Variants in COL20A1 observed in about 807,000 individuals in gnomAD.
The protein encoded by COL20A1 is collagen alpha-1(XX) chain.
In COL20A1, 164 loss-of-function variants were observed where a neutral mutation model predicts 152.9. The ratio of observed to expected loss-of-function variants is 1.07; its 90% CI spans 0.94 to 1.22. The LOEUF is 1.22. COL20A1 is among the 50% of genes most tolerant of loss of function. COL20A1 has a pLI of 0.00. For missense variants in COL20A1, 1,873 were observed against 1,744.8 expected (o/e 1.07, Z -1.31); for synonymous variants, 864 against 756.0 (o/e 1.14, Z -2.34).
chr20:63,310,264 A>G (rs2067987259), intron 10 of COL20A1, 117 bp from the exon 11 acceptor site: 2 of 1,139,022 alleles, frequency 1.8e-6, no homozygotes, highest in East Asian at 5.2e-5. Context: ...GCCTGTGGGA[A>G]GTGGGGCACC....
At position 63,307,967 on chromosome 20, in the gene COL20A1, C is replaced by T; in HGVS notation, c.656-4C>T. The stretch of plus-strand genomic sequence containing the variant: ...CAGCCCGTGGCCATGCCCCTGCTCC[C>T]CAGGCCTGACTCAGTACAGCGGGGA... On this transcript the variant is annotated splice_region_variant and splice_polypyrimidine_tract_variant and intron_variant, in intron 6 of 35. Transcript: ENST00000358894. The T allele has an allele frequency of 6.2e-7, 1 of 1,612,244 alleles. No individual in the cohort carries two copies. The highest frequency in any genetic ancestry group is 1.3e-5 in the African/African-American group (1 of 75,044).
intron 9 of COL20A1, 69 bp downstream of exon 9, chr20:63,309,566 G>A (rs932514184): frequency 1.5e-5 from 20 of 1,375,308 alleles, no homozygotes; most frequent in East Asian, 5.4e-5. Flanking sequence ...TTGGGGGGAC[G>A]CTGTGGCTCC....
Position 63,319,663 on chromosome 20 carries a change from A to G in COL20A1, c.2916+67A>G. 8.8e-7 allele frequency: 1 copy of G among 1,137,692 alleles called. No individual in the cohort carries two copies. The highest frequency in any genetic ancestry group is 1.3e-6 in the Non-Finnish European group (1 of 781,480). 70.5% of individuals were successfully genotyped at this position (1,137,692 alleles called of 1,614,324 possible). ...TCTGGGGCAGCCCAGCCCCACAGGG[A>G]CCTGCCGGATGCCAACTCCTCTCCC... On this transcript the variant is annotated intron_variant, in intron 23 of 35. Coordinates refer to ENST00000358894, the MANE Select transcript of COL20A1 (RefSeq NM_020882.4). The surrounding 1 kb of genome is among the most constrained non-coding windows in gnomAD (Gnocchi z 4.4).
intron 25 of COL20A1, among the ~76,000 whole-genome samples, chr20:63,320,615 G>A (rs1568784415): frequency 6.6e-6 from 1 of 152,188 alleles, no homozygotes; most frequent in Non-Finnish European, 1.5e-5. Flanking sequence ...CACCTCTGTG[G>A]GCCCAGCCAG....
Position 63,325,430 on chromosome 20 carries a change from T to A in COL20A1, c.3295-11T>A, listed in dbSNP as rs2314251. On this transcript the variant is annotated splice_polypyrimidine_tract_variant and intron_variant, in intron 27 of 35. Coordinates refer to ENST00000358894, the MANE Select transcript of COL20A1 (RefSeq NM_020882.4). ...CTCCGCTTCGCTGTCCAGCCCATCT[T>A]CCCCCTCCAGGGTCCACCAGGGGTC... 3 of 1,608,204 alleles carry A rather than the reference T, an allele frequency of 1.9e-6. No individual in the cohort carries two copies. The highest frequency in any genetic ancestry group is 3.3e-4 in the Middle Eastern group (2 of 6,028).
Position 63,306,499 on chromosome 20 carries a change from AG to A in COL20A1, c.496+465del, listed in dbSNP as rs1452694989. Among the ~76,000 whole-genome samples, 2 of 152,268 alleles carry A rather than the reference AG, an allele frequency of 1.3e-5. No individual in the cohort carries two copies. The highest frequency in any genetic ancestry group is 2.9e-5 in the Non-Finnish European group (2 of 68,000). On this transcript the variant is annotated intron_variant, in intron 5 of 35. Transcript: ENST00000358894. The surrounding 1 kb of genome is among the most constrained non-coding windows in gnomAD (Gnocchi z 6.9). ...CTTTGGGAACCTCCAGCCTGGGTCTAGGGGGTGGTGAGAGGGGTGGGTCATG... is the reference window on the plus strand; with the variant it reads ...CTTTGGGAACCTCCAGCCTGGGTCTAGGGGTGGTGAGAGGGGTGGGTCATG...
rs1029395627 is a variant in COL20A1, at chr20:63,331,715, C to A, written c.*999C>A. The A allele has an allele frequency of 6.6e-6, 1 of 152,188 alleles. No individual in the cohort carries two copies. Among genetic ancestry groups the A allele is most frequent in the African/African-American group, 2.4e-5 (1 of 41,420 alleles). The allele number at this position is 152,188 out of a possible 1,614,324, so 9.4% of individuals were successfully genotyped here. ...ATATTCAGTAACTAGTCCACTGTTA[C>A]CACTTAGGCAGCTAAGCAAGAAAGG... On this transcript the variant is annotated 3_prime_UTR_variant, in exon 36 of 36. Transcript: ENST00000358894.
rs1286781530 is a variant in COL20A1 at position 63,298,016 on chromosome 20, G to A, written c.189G>A (p.Met63Ile). ...GLGYLVQVKP[M>I]AGDSEQEVIL... is the part of the protein sequence containing the mutation. ...GCTACCTGGTGCAGGTGAAGCCCAT[G>A]GCAGGTGAGGACCTGCCCCTCCCAG... Residue 63 changes from methionine to isoleucine, a missense_variant, in exon 3 of 36, where the codon ATG becomes ATA. Transcript: ENST00000358894. 1.2e-6 allele frequency: 2 copies of A among 1,606,852 alleles called. No homozygotes were observed. Among genetic ancestry groups the A allele is most frequent in the East Asian group, 2.2e-5 (1 of 44,862 alleles).
intron 2 of COL20A1, among the ~76,000 whole-genome samples, chr20:63,296,123 G>A (rs112920247): frequency 0.06 from 9,085 of 152,358 alleles, 338 homozygotes; most frequent in Middle Eastern, 0.11. Flanking sequence ...ACCCTTCCGG[G>A]TTTCACGGCT....
intron 26 of COL20A1, 63 bp downstream of exon 26, chr20:63,321,162 G>C (rs2068157618): frequency 1.8e-6 from 2 of 1,139,876 alleles, no homozygotes; most frequent in Non-Finnish European, 2.6e-6. Flanking sequence ...TGCTGCCACT[G>C]GTGGATGTGT....
At position 63,310,137 on chromosome 20, in the gene COL20A1, G is replaced by A. The variant is rs575632513; in HGVS notation, c.1263+222G>A. 3.3e-5 allele frequency among the ~76,000 whole-genome samples: 5 copies of A among 152,290 alleles called. No individual in the cohort carries two copies. The East Asian group carries it at 7.7e-4, about 24-fold the overall frequency. ...GGCCGAGGAGGGCAGAGCAGGGGGC[G>A]TTCCGAGGGTGCTGGGGTTAGGGTC... On this transcript the variant is annotated intron_variant, in intron 10 of 35. Coordinates refer to ENST00000358894, the MANE Select transcript of COL20A1 (RefSeq NM_020882.4).
At chr20:63,302,511 G>C (rs1452548538) in intron 3 of COL20A1, among the ~76,000 whole-genome samples, 1 of 152,132 alleles carries the variant, frequency 6.6e-6, no homozygotes, top group Non-Finnish European at 1.5e-5. Context: ...AGTAGAGACG[G>C]GGTTTCACTG....
At chr20:63,329,381 C>T (rs1433645078) in intron 34 of COL20A1, 2 of 588,490 alleles carry the variant, frequency 3.4e-6, no homozygotes, top group African/African-American at 1.9e-5. Flanking sequence ...CCATGCCCCC[C>T]CAGAACTGTC....
intron 9 of COL20A1, 116 bp downstream of exon 9, chr20:63,309,613 G>A (rs1568772557): frequency 8.1e-7 from 1 of 1,241,464 alleles, no homozygotes; most frequent in Non-Finnish European, 1.1e-6. Context: ...TGGCTCTGAG[G>A]GGGTCTGCAG....
At chr20:63,323,723 C>A (rs939509126) in intron 27 of COL20A1, among the ~76,000 whole-genome samples, 2 of 152,168 alleles carry the variant, frequency 1.3e-5, no homozygotes, top group African/African-American at 4.8e-5. Flanking sequence ...GTCTGTTGTT[C>A]ACAGGCGAGG....
Position 63,319,539 on chromosome 20 carries a change from G to T in COL20A1, c.2859G>T (p.Gln953His). 6.3e-7 allele frequency: 1 copy of T among 1,598,800 alleles called. No individual in the cohort carries two copies. Among genetic ancestry groups the T allele is most frequent in the East Asian group, 2.3e-5 (1 of 44,098 alleles). Residue 953 changes from glutamine to histidine, a missense_variant, in exon 23 of 36, where the codon CAG becomes CAT. By Grantham distance (24) the Gln-to-His change is conservative. Coordinates refer to ENST00000358894, the MANE Select transcript of COL20A1 (RefSeq NM_020882.4). This position sits in a 1 kb window ranked among gnomAD's most constrained non-coding sequence, Gnocchi z 4.4. Reference sequence around the variant, plus strand: ...ACCGTGACCCCAGGGCTGCCTTGCAGGAGGCCACCTTCGACCCGCAGGAAG... The same window carrying T: ...ACCGTGACCCCAGGGCTGCCTTGCATGAGGCCACCTTCGACCCGCAGGAAG... ...YFHRDPRAALQEATFDPQEVR... is the reference protein window; with the variant it reads ...YFHRDPRAALHEATFDPQEVR...
rs762684780 is a variant in COL20A1, at chr20:63,311,984, G to C, written c.1732G>C (p.Glu578Gln). 1.2e-6 allele frequency: 2 copies of C among 1,604,388 alleles called. No individual in the cohort carries two copies. The highest frequency in any genetic ancestry group is 2.7e-5 in the African/African-American group (2 of 74,838). The stretch of plus-strand genomic sequence containing the variant: ...CCACGACGCGGCACGAGTGTTCTGG[G>C]AGGGTGCCCCGAGGCCTGTGCGCCT... ...VSHDAARVFW[E>Q]GAPRPVRLVR... is the part of the protein sequence containing the mutation. Residue 578 changes from glutamate to glutamine, a missense_variant, in exon 14 of 36, where the codon GAG becomes CAG. Transcript: ENST00000358894. This position sits in a 1 kb window ranked among gnomAD's most constrained non-coding sequence, Gnocchi z 4.4.
intron 3 of COL20A1, among the ~76,000 whole-genome samples, chr20:63,299,904 GTA>G (rs996359606): frequency 2.6e-5 from 4 of 151,052 alleles, no homozygotes; most frequent in Admixed American, 2.0e-4. Context: ...GTGTGTGTGT[GTA>G]TATATATATG....
At chr20:63,326,260 G>C in intron 30 of COL20A1, 111 bp downstream of exon 30, 1 of 850,460 alleles carries the variant, frequency 1.2e-6, no homozygotes, top group Non-Finnish European at 1.9e-6. Context: ...ACCCCAGGAA[G>C]TGCCTGGGAG....
Sources: allele counts gnomAD v4.1 joint callset (sites outside exome capture counted in the v4.1 genomes callset), GRCh38; gene constraint gnomAD v4.1.1; non-coding constraint Gnocchi (gnomAD v3.1); transcripts MANE v1.5; gene names NCBI Gene and HGNC (gene_info 2026-07-23, HGNC 2026-07-21).